Variants in PYGL observed in about 807,000 individuals in gnomAD.
PYGL encodes the protein glycogen phosphorylase L, also known as glycogen phosphorylase, liver form.
In PYGL, 90 loss-of-function variants were observed where a neutral mutation model predicts 100.1. That is an observed-to-expected ratio of 0.90 (90% confidence interval 0.76 to 1.07). PYGL has a LOEUF of 1.07. Ranked by LOEUF, PYGL falls within the 50% of genes least tolerant of loss-of-function variation. The pLI is 0.00. For missense variants in PYGL, 1,016 were observed against 1,057.6 expected (o/e 0.96, Z 0.55); for synonymous variants, 373 against 393.0 (o/e 0.95, Z 0.60).
Position 50,937,731 on chromosome 14 carries a change from T to C in PYGL, c.345+5A>G, listed in dbSNP as rs749285393. On this transcript the variant is annotated splice_donor_5th_base_variant and intron_variant, in intron 2 of 19. Coordinates refer to ENST00000216392, the MANE Select transcript of PYGL (RefSeq NM_002863.5). ...CAGGATGAGAGAAATCTAGGAACAA[T>C]GTACCTGGTAAATGGCCTCATCACA... The C allele has an allele frequency of 6.2e-6, 10 of 1,606,660 alleles. No homozygotes were observed. The South Asian group carries it at 6.6e-5, about 11-fold the overall frequency.
chr14:50,919,553 A>T (rs1192729558), intron 7 of PYGL, among the ~76,000 whole-genome samples: 1 of 152,180 alleles, frequency 6.6e-6, no homozygotes, highest in Non-Finnish European at 1.5e-5. Context: ...AGACCACTTT[A>T]AAAAAATCAT....
At chr14:50,924,883 C>CAACA (rs960795031) in intron 4 of PYGL, among the ~76,000 whole-genome samples, 10 of 152,212 alleles carry the variant, frequency 6.6e-5, no homozygotes, top group African/African-American at 2.4e-4. Context: ...TTTTCATTTG[C>CAACA]AACAAACAAA....
chr14:50,938,783 C>T (rs2050678459), intron 1 of PYGL, among the ~76,000 whole-genome samples: 1 of 152,016 alleles, frequency 6.6e-6, no homozygotes, highest in African/African-American at 2.4e-5. Flanking sequence ...TGTTTTTTCC[C>T]TCTCCTGATC....
intron 7 of PYGL, among the ~76,000 whole-genome samples, chr14:50,919,816 G>A (rs151142604): frequency 1.1e-4 from 16 of 152,106 alleles, no homozygotes; most frequent in Middle Eastern, 6.8e-3. Flanking sequence ...CCAGTAGCTG[G>A]GATTACAGGC....
In PYGL at chr14:50,923,975, G is replaced by A. The variant is rs376150787; in HGVS notation, c.654C>T (p.Asp218=). ...EHTNTGTKWI[D]TQVVLALPYD... ...ATACGAGCACTCTGAATACTTGAGTGTCAATCCACTTGGTCCCGGTGTTGG... is the reference window on the plus strand; with the variant it reads ...ATACGAGCACTCTGAATACTTGAGTATCAATCCACTTGGTCCCGGTGTTGG... Residue 218 remains aspartate, a synonymous_variant, in exon 5 of 20, where the codon GAC becomes GAT. Transcript: ENST00000216392. 24 of 1,613,648 alleles carry A rather than the reference G, an allele frequency of 1.5e-5. No individual in the cohort carries two copies. In the African/African-American group the frequency reaches 2.1e-4, roughly 14 times the overall value.
intron 17 of PYGL, 46 bp downstream of exon 17, chr14:50,909,849 G>C: frequency 6.2e-7 from 1 of 1,601,500 alleles, no homozygotes; most frequent in Non-Finnish European, 8.6e-7. Flanking sequence ...ATACCTTCTA[G>C]GGGGGAGGGG....
intron 11 of PYGL, 94 bp from the exon 12 acceptor site, chr14:50,914,909 G>A (rs2050431699): frequency 1.1e-6 from 1 of 940,104 alleles, no homozygotes; most frequent in Non-Finnish European, 1.7e-6. Flanking sequence ...AAGAAGCCAA[G>A]TGCAGGCTTA....
intron 1 of PYGL, among the ~76,000 whole-genome samples, chr14:50,941,316 T>C (rs916549443): frequency 1.3e-5 from 2 of 149,718 alleles, no homozygotes; most frequent in Non-Finnish European, 3.0e-5. Context: ...ATTAAATTCC[T>C]GAAAAATGTC....
Position 50,921,061 on chromosome 14 carries a change from G to A in PYGL, c.667C>T (p.Leu223=). Residue 223 remains leucine, a synonymous_variant, in exon 6 of 20, where the codon CTG becomes TTG. Coordinates refer to ENST00000216392, the MANE Select transcript of PYGL (RefSeq NM_002863.5). ...GTKWIDTQVV[L]ALPYDTPVPG... is the part of the protein sequence containing the mutation. ...ACGGGGGTGTCATATGGCAGAGCCA[G>A]GACCACCTGTGGGATTAAACAGAAG... 1 of 1,611,984 alleles carries A rather than the reference G, an allele frequency of 6.2e-7. No homozygotes were observed. Among genetic ancestry groups the A allele is most frequent in the Non-Finnish European group, 8.5e-7 (1 of 1,178,044 alleles).
chr14:50,920,422 G>A (rs1248279601), intron 7 of PYGL, 119 bp downstream of exon 7: 6 of 986,886 alleles, frequency 6.1e-6, no homozygotes, highest in East Asian at 2.6e-5. Flanking sequence ...GAAGAAATAC[G>A]GAGCTTGTTC....
intron 19 of PYGL, among the ~76,000 whole-genome samples, chr14:50,907,519 C>G (rs147875705): frequency 0.028 from 4,185 of 152,172 alleles, 85 homozygotes; most frequent in African/African-American, 0.056. Context: ...TGATGTGTAC[C>G]TCTGGTTAAG....
chr14:50,937,167 G>C (rs1208993774), intron 2 of PYGL, among the ~76,000 whole-genome samples: 1 of 152,192 alleles, frequency 6.6e-6, no homozygotes, highest in Non-Finnish European at 1.5e-5. Flanking sequence ...GGGTATGAAG[G>C]TGCCTGAAGC....
Position 50,944,306 on chromosome 14 carries a change from T to A in PYGL, c.98A>T (p.Asn33Ile), listed in dbSNP as rs772594764. 24 of 1,613,836 alleles carry A rather than the reference T, an allele frequency of 1.5e-5. No individual in the cohort carries two copies. The highest frequency in any genetic ancestry group is 2.2e-5 in the East Asian group (1 of 44,878). ...GACCAGCGTGAAGTGCAGGTGCCGG[T>A]TGAAACTCTTCTTCAGCTCTGCCAC... ...ENVAELKKSFNRHLHFTLVKD... is the reference protein window; with the variant it reads ...ENVAELKKSFIRHLHFTLVKD... Residue 33 changes from asparagine (N) to isoleucine (I), a missense_variant, in exon 1 of 20, where the codon AAC (asparagine) becomes ATC (isoleucine). Transcript: ENST00000216392.
chr14:50,933,363 A>G (rs8005931), intron 3 of PYGL, among the ~76,000 whole-genome samples: 65,589 of 152,050 alleles, frequency 0.43, 15,968 homozygotes, highest in African/African-American at 0.63. Flanking sequence ...ATTATTAATG[A>G]CAATGTTAAA....
chr14:50,908,697 A>G, intron 18 of PYGL, 124 bp downstream of exon 18: 1 of 1,348,410 alleles, frequency 7.4e-7, no homozygotes. Flanking sequence ...AATCTACATG[A>G]GTGGGTTTAA....
intron 3 of PYGL, among the ~76,000 whole-genome samples, chr14:50,933,331 A>G (rs908611534): frequency 2.6e-5 from 4 of 152,184 alleles, no homozygotes; most frequent in African/African-American, 9.7e-5. Flanking sequence ...TCCCACAGGC[A>G]TTGTTTTATT....
intron 1 of PYGL, among the ~76,000 whole-genome samples, chr14:50,941,155 A>G (rs1170894561): frequency 6.6e-6 from 1 of 152,232 alleles, no homozygotes; most frequent in African/African-American, 2.4e-5. Context: ...GCTTGAGCAG[A>G]CCACAATGCA....
rs2142786597 is a variant in PYGL at position 50,908,864 on chromosome 14, C to T, written c.2269G>A (p.Asp757Asn). ...ATGTTGATGATATCTTTGAAGAGGT[C>T]AGGCTGCTTGGGAGAAAAAAAGCCA... ...DNGFFSPKQP[D>N]LFKDIINMLF... Residue 757 changes from aspartate (D) to asparagine (N), a missense_variant, in exon 18 of 20, where the codon GAC becomes AAC. Transcript: ENST00000216392. 1 of 1,572,600 alleles carries T rather than the reference C, an allele frequency of 6.4e-7. No homozygotes were observed. Among genetic ancestry groups the T allele is most frequent in the Non-Finnish European group, 8.8e-7 (1 of 1,142,560 alleles).
intron 1 of PYGL, 30 bp downstream of exon 1, chr14:50,944,131 A>C (rs200930461): frequency 5.7e-5 from 90 of 1,580,738 alleles, no homozygotes; most frequent in Non-Finnish European, 7.4e-5. Flanking sequence ...TCCGGGCTGG[A>C]CCCCGGCCCG....
Sources: gnomAD v4.1 joint callset for allele counts (sites outside exome capture counted in the v4.1 genomes callset) on GRCh38, gnomAD v4.1.1 for gene constraint, MANE v1.5 for transcripts, NCBI Gene and HGNC (gene_info 2026-07-23, HGNC 2026-07-21) for gene names.